CCDC158: variants seen among roughly 807,000 people sequenced by gnomAD.
CCDC158 encodes coiled-coil domain containing 158, also known as coiled-coil domain-containing protein 158.
CCDC158 carries 116 observed loss-of-function variants against 138.6 expected under a neutral mutation model. The observed-to-expected ratio is 0.84, with a 90% CI of 0.72 to 0.98. The LOEUF (loss-of-function observed/expected upper bound fraction) is 0.98, where lower values mean the gene tolerates loss of function less well. CCDC158 is among the 50% of genes least tolerant of loss of function. The pLI is 0.00. For missense variants in CCDC158, 1,265 were observed against 1,306.1 expected (o/e 0.97, Z 0.48); for synonymous variants, 436 against 442.4 (o/e 0.99, Z 0.18).
intron 24 of CCDC158, among the ~76,000 whole-genome samples, chr4:76,317,491 A>G (rs1440115840): frequency 1.3e-5 from 2 of 152,174 alleles, no homozygotes; most frequent in African/African-American, 4.8e-5. Flanking sequence ...AATGATTACT[A>G]CTAGACCTAA....
Position 76,371,451 on chromosome 4 carries a change from G to T in CCDC158, c.1115C>A (p.Ser372Tyr). ...TTGAAGTTGATCATCTAAATTTCCA[G>T]ATTCCTGACTGAATTGATCACGCTC... ...RTERDQFSQE[S>Y]GNLDDQLQKL... is the part of the protein sequence containing the mutation. The change falls in exon 10 of 25, where the codon TCT (serine) becomes TAT (tyrosine). Residue 372 changes from serine (S) to tyrosine (Y), a missense_variant. Physicochemically the swap from Ser to Tyr is moderately radical, Grantham distance 144. Transcript: ENST00000682701. 1 of 1,614,026 alleles carries T rather than the reference G, an allele frequency of 6.2e-7. No individual in the cohort carries two copies. Among genetic ancestry groups the T allele is most frequent in the Non-Finnish European group, 8.5e-7 (1 of 1,179,942 alleles).
chr4:76,332,490 C>G lies in CCDC158; in HGVS notation c.2824G>C (p.Glu942Gln). The G allele has an allele frequency of 6.2e-7, 1 of 1,601,508 alleles. No homozygotes were observed. The highest frequency in any genetic ancestry group is 8.5e-7 in the Non-Finnish European group (1 of 1,172,662). The change falls in exon 20 of 25, where the codon GAG (glutamate) becomes CAG (glutamine). Residue 942 changes from glutamate to glutamine, a missense_variant and splice_region_variant. Glu to Gln is a conservative substitution (Grantham distance 29). Transcript: ENST00000682701. ...TSLGALYVAV[E>Q]DRVRDCITES... The stretch of plus-strand genomic sequence containing the variant: ...GTAATGCAATCTCTTACCCTATCCT[C>G]TCTGTATAGAAAATATAACTCTCAG...
At position 76,367,599 on chromosome 4, in the gene CCDC158, C is replaced by G; in HGVS notation, c.1525G>C (p.Glu509Gln). ...SDLTTSLQEK[E>Q]RAIEATNAEI... ...GCATTGGTAGCCTCGATGGCTCTCTCTTTTTCCTGGAGAGAAGTTGTCAGG... is the reference window on the plus strand; with the variant it reads ...GCATTGGTAGCCTCGATGGCTCTCTGTTTTTCCTGGAGAGAAGTTGTCAGG... The change falls in exon 12 of 25, where the codon GAG becomes CAG. Residue 509 changes from glutamate to glutamine, a missense_variant. Coordinates refer to ENST00000682701, the MANE Select transcript of CCDC158 (RefSeq NM_001394954.1). 6.2e-7 allele frequency: 1 copy of G among 1,614,194 alleles called. No homozygotes were observed.
intron 13 of CCDC158, among the ~76,000 whole-genome samples, chr4:76,361,092 G>C (rs1199800357): frequency 1.3e-5 from 2 of 152,134 alleles, no homozygotes; most frequent in Non-Finnish European, 2.9e-5. Context: ...GTTTCAAAGT[G>C]TGTAGCACCT....
intron 18 of CCDC158, among the ~76,000 whole-genome samples, chr4:76,336,444 C>T (rs1024688387): frequency 3.3e-5 from 5 of 152,034 alleles, no homozygotes; most frequent in African/African-American, 1.2e-4. Context: ...AGGCTGGAGG[C>T]GTCCTGAAAA....
intron 23 of CCDC158, among the ~76,000 whole-genome samples, chr4:76,323,910 T>A (rs558889648): frequency 1.3e-5 from 2 of 152,262 alleles, no homozygotes; most frequent in South Asian, 4.1e-4. Context: ...GCCAACATGA[T>A]CACACTGAAC....
At chr4:76,408,655 A>T (rs932538829) in intron 2 of CCDC158, among the ~76,000 whole-genome samples, 1 of 152,172 alleles carries the variant, frequency 6.6e-6, no homozygotes, top group Non-Finnish European at 1.5e-5. Context: ...ACACGTGTTC[A>T]TGTGTCTTTA....
chr4:76,326,653 CA>C (rs1410488679), intron 22 of CCDC158, among the ~76,000 whole-genome samples: 1 of 152,082 alleles, frequency 6.6e-6, no homozygotes, highest in Non-Finnish European at 1.5e-5. Context: ...AAAAAAGGAA[CA>C]GACTATATTT....
At chr4:76,394,702 T>C (rs1482633932) in intron 4 of CCDC158, among the ~76,000 whole-genome samples, 1 of 152,124 alleles carries the variant, frequency 6.6e-6, no homozygotes, top group Non-Finnish European at 1.5e-5. Context: ...TATGTGATTT[T>C]TTTACACATT....
chr4:76,360,204 G>A (rs1040719146), intron 13 of CCDC158, among the ~76,000 whole-genome samples: 2 of 152,350 alleles, frequency 1.3e-5, no homozygotes, highest in East Asian at 1.9e-4. Flanking sequence ...TGAGGCTTGG[G>A]AGCCTCCACT....
chr4:76,365,113 T>G (rs967899702), intron 12 of CCDC158, among the ~76,000 whole-genome samples: 1 of 152,164 alleles, frequency 6.6e-6, no homozygotes, highest in African/African-American at 2.4e-5. Flanking sequence ...ATTCAGTCCT[T>G]TCTTAGTCTT....
At chr4:76,358,951 T>C (rs1385186808) in intron 13 of CCDC158, among the ~76,000 whole-genome samples, 1 of 152,200 alleles carries the variant, frequency 6.6e-6, no homozygotes, top group African/African-American at 2.4e-5. Context: ...CCAAATCGCA[T>C]GTCCTGTTGT....
At chr4:76,331,000 G>A (rs1447090969) in intron 21 of CCDC158, among the ~76,000 whole-genome samples, 1 of 152,124 alleles carries the variant, frequency 6.6e-6, no homozygotes, top group Non-Finnish European at 1.5e-5. Context: ...CAGTCATTAT[G>A]CTTGGTGCTG....
At chr4:76,325,121 G>T (rs1324768956) in intron 23 of CCDC158, among the ~76,000 whole-genome samples, 1 of 152,176 alleles carries the variant, frequency 6.6e-6, no homozygotes, top group Non-Finnish European at 1.5e-5. Flanking sequence ...AGAGATGAAA[G>T]AGGACACAAG....
chr4:76,381,145 A>G (rs1320123378), intron 8 of CCDC158, among the ~76,000 whole-genome samples: 2 of 152,206 alleles, frequency 1.3e-5, no homozygotes, highest in African/African-American at 4.8e-5. Context: ...GTGGGGTTGG[A>G]ACCCCCACAC....
intron 24 of CCDC158, 107 bp downstream of exon 24, chr4:76,323,195 G>A: frequency 1.4e-6 from 1 of 731,178 alleles, no homozygotes; most frequent in Non-Finnish European, 2.3e-6. Flanking sequence ...GTTTACAGTT[G>A]TTAATTCAAT....
chr4:76,409,759 A>G (rs1729142125), intron 2 of CCDC158, among the ~76,000 whole-genome samples: 1 of 152,140 alleles, frequency 6.6e-6, no homozygotes, highest in African/African-American at 2.4e-5. Flanking sequence ...TGAACCCGGG[A>G]GGTGGAGCTT....
chr4:76,371,618 G>T, intron 9 of CCDC158, 82 bp from the exon 10 acceptor site: 1 of 1,506,740 alleles, frequency 6.6e-7, no homozygotes. Context: ...GAAAACAAAT[G>T]GTATTATTTT....
intron 12 of CCDC158, 69 bp downstream of exon 12, chr4:76,367,225 T>C: frequency 6.6e-7 from 1 of 1,523,636 alleles, no homozygotes; most frequent in Non-Finnish European, 8.8e-7. Flanking sequence ...AAGAACCACT[T>C]TTCAGTACAG....
Sources: allele counts gnomAD v4.1 joint callset (sites outside exome capture counted in the v4.1 genomes callset), GRCh38; gene constraint gnomAD v4.1.1; transcripts MANE v1.5; gene names NCBI Gene and HGNC (gene_info 2026-07-23, HGNC 2026-07-21).